The following RNF135 variants were observed in gnomAD, a reference collection of about 807,000 sequenced individuals.
RNF135 encodes the protein E3 ubiquitin-protein ligase RNF135.
In RNF135, 46 loss-of-function variants were observed where a neutral mutation model predicts 41.9. That is an observed-to-expected ratio of 1.10 (90% CI 0.87 to 1.40). The LOEUF is 1.40. RNF135 is among the 40% of genes most tolerant of loss of function. The pLI, the probability that RNF135 is intolerant of heterozygous loss-of-function variation, is 0.00. For missense variants in RNF135, 539 were observed against 549.8 expected, an observed-to-expected ratio of 0.98 and a Z score of 0.20; for synonymous variants, 238 against 223.8, an observed-to-expected ratio of 1.06 and a Z score of -0.57.
chr17:30,966,875 A>G (rs1476454742), upstream of RNF135, among the ~76,000 whole-genome samples: 1 of 152,136 alleles, frequency 6.6e-6, no homozygotes, highest in African/African-American at 2.4e-5. Context: ...TTATCACTAT[A>G]TGACTTTTTT....
intron 1 of RNF135, among the ~76,000 whole-genome samples, chr17:30,981,226 GGC>G (rs1907125232): frequency 6.7e-6 from 1 of 148,898 alleles, no homozygotes; most frequent in African/African-American, 2.6e-5. Context: ...CAGGCGTGGC[GGC>G]GCGCGCCTGC....
At chr17:30,962,956 TTC>T in the RNF135 span, among the ~76,000 whole-genome samples, 1 of 152,166 alleles carries the variant, frequency 6.6e-6, no homozygotes, top group Non-Finnish European at 1.5e-5. Context: ...ATTTTAACTG[TTC>T]TGATAGGTAT....
In RNF135 at chr17:30,971,205, C is replaced by T; in HGVS notation, c.132C>T (p.Cys44=). 1 of 1,522,018 alleles carries T rather than the reference C, an allele frequency of 6.6e-7. No individual in the cohort carries two copies. Among genetic ancestry groups the T allele is most frequent in the Non-Finnish European group, 8.8e-7 (1 of 1,141,376 alleles). The allele number at this position is 1,522,018 out of a possible 1,614,324, so 94.3% of individuals were successfully genotyped here. Residue 44 remains cysteine (C), a synonymous_variant, in exon 1 of 5, where the codon TGC becomes TGT. Transcript: ENST00000328381. ...LPCGHSFCRH[C]LEALWGARDA... ...GCGGCCACAGCTTCTGCCGCCACTG[C>T]CTGGAGGCCCTGTGGGGCGCCCGCG... is the stretch of plus-strand genomic sequence containing the variant.
chr17:30,984,911 C>A, intron 2 of RNF135, 151 bp downstream of exon 2: 1 of 973,940 alleles, frequency 1.0e-6, no homozygotes. Context: ...GATGATTGGA[C>A]ATTTGGAATG....
chr17:30,967,798 T>A (rs994584903), upstream of RNF135, among the ~76,000 whole-genome samples: 9 of 150,248 alleles, frequency 6.0e-5, no homozygotes, highest in Admixed American at 5.3e-4. Context: ...ACCTCCCGGG[T>A]TCAAATGATT....
chr17:30,966,641 G>A (rs1390549269), upstream of RNF135, among the ~76,000 whole-genome samples: 1 of 149,574 alleles, frequency 6.7e-6, no homozygotes, highest in East Asian at 1.9e-4. Flanking sequence ...GACTACAGGC[G>A]CCCGCCACCG....
upstream of RNF135, chr17:30,970,708 TTTG>T (rs1178356834): frequency 1.0e-5 from 3 of 297,554 alleles, no homozygotes; most frequent in Non-Finnish European, 1.9e-5. Flanking sequence ...TTGCATCTTT[TTTG>T]TTGTTTATTT....
At chr17:30,979,820 A>C (rs1267814089) in intron 1 of RNF135, among the ~76,000 whole-genome samples, 10 of 70,098 alleles carry the variant, frequency 1.4e-4, no homozygotes, top group Admixed American at 5.9e-4. Context: ...TGACCCCCCC[A>C]CCTCCCTCCC....
intron 2 of RNF135, 104 bp downstream of exon 2, chr17:30,984,864 T>C: frequency 8.0e-7 from 1 of 1,245,726 alleles, no homozygotes; most frequent in South Asian, 1.2e-5. Flanking sequence ...ATACAATAAG[T>C]CTCAATCTTT....
In RNF135 at chr17:30,981,253, G is replaced by A. The variant is rs911234657; in HGVS notation, c.373-3364G>A. Among the ~76,000 whole-genome samples, 4 of 147,268 alleles carry A rather than the reference G, an allele frequency of 2.7e-5. No individual in the cohort carries two copies. The East Asian group carries it at 5.8e-4, about 21-fold the overall frequency. On this transcript the variant is annotated intron_variant, in intron 1 of 4. Transcript: ENST00000328381. ...CGCGCGCCTGCAATCGCAGGCACTC[G>A]ACAGGCTGAGGCAGGAGAATCAGGC...
upstream of RNF135, chr17:30,968,979 C>G (rs933956001): frequency 6.6e-6 from 1 of 152,434 alleles, no homozygotes; most frequent in East Asian, 1.9e-4. Context: ...TGGCTCATTA[C>G]AGCCTCCACC....
intron 2 of RNF135, 22 bp from the exon 3 acceptor site, chr17:30,987,922 G>T: frequency 1.2e-6 from 2 of 1,607,320 alleles, no homozygotes. Flanking sequence ...CATTTATTCA[G>T]TTTTAAATGG....
At chr17:30,967,568 C>A (rs1905600171), upstream of RNF135, among the ~76,000 whole-genome samples, 1 of 152,068 alleles carries the variant, frequency 6.6e-6, no homozygotes, top group Non-Finnish European at 1.5e-5. Flanking sequence ...AATACACATA[C>A]ATACTTTTGT....
At chr17:30,963,576 G>GAA in the RNF135 span, among the ~76,000 whole-genome samples, 39 of 148,606 alleles carry the variant, frequency 2.6e-4, no homozygotes, top group African/African-American at 9.6e-4. Flanking sequence ...TCTGTCTCAA[G>GAA]AAAAAAAAAA....
At chr17:30,998,410 A>C (rs1460207299) in intron 4 of RNF135, among the ~76,000 whole-genome samples, 1 of 152,154 alleles carries the variant, frequency 6.6e-6, no homozygotes, top group Non-Finnish European at 1.5e-5. Flanking sequence ...AAATATAATA[A>C]GTGTACATAT....
At chr17:30,996,047 G>A (rs964372824) in intron 3 of RNF135, among the ~76,000 whole-genome samples, 1 of 150,642 alleles carries the variant, frequency 6.6e-6, no homozygotes, top group African/African-American at 2.4e-5. Context: ...AAAGTATTGG[G>A]ATTACAGGCG....
intron 1 of RNF135, among the ~76,000 whole-genome samples, chr17:30,974,688 AT>A (rs887519982): frequency 6.9e-6 from 1 of 145,302 alleles, no homozygotes; most frequent in Non-Finnish European, 1.5e-5. Context: ...TATTATTATT[AT>A]TTTTTTTTGA....
intron 3 of RNF135, among the ~76,000 whole-genome samples, chr17:30,993,323 G>A (rs1200484841): frequency 6.6e-6 from 1 of 152,020 alleles, no homozygotes; most frequent in African/African-American, 2.4e-5. Context: ...TGCCTGCCTT[G>A]GCATCCCAAA....
chr17:30,987,724 C>T (rs1431455988), intron 2 of RNF135, among the ~76,000 whole-genome samples: 2 of 151,726 alleles, frequency 1.3e-5, no homozygotes, highest in East Asian at 1.9e-4. Context: ...ATAACTCCAT[C>T]ACCCAGAAAT....
Sources: gnomAD v4.1 joint callset for allele counts (sites outside exome capture counted in the v4.1 genomes callset) on GRCh38, gnomAD v4.1.1 for gene constraint, MANE v1.5 for transcripts, NCBI Gene and HGNC (gene_info 2026-07-23, HGNC 2026-07-21) for gene names.